CCDC178: variants seen among roughly 807,000 people sequenced by gnomAD.
CCDC178 encodes coiled-coil domain containing 178.
CCDC178 carries 126 observed loss-of-function variants against 117.4 expected under a neutral mutation model. The ratio of observed to expected loss-of-function variants is 1.07; its 90% CI spans 0.93 to 1.24. CCDC178 has a LOEUF of 1.24. Ranked by LOEUF, CCDC178 falls within the 50% of genes most tolerant of loss-of-function variation. The pLI is 0.00. For synonymous variants in CCDC178, 283 were observed against 313.4 expected, an observed-to-expected ratio of 0.90 and a Z score of 1.02; for missense variants, 1,030 against 986.9, an observed-to-expected ratio of 1.04 and a Z score of -0.59.
At chr18:33,023,330 G>T (rs748758002) in intron 21 of CCDC178, among the ~76,000 whole-genome samples, 37 of 152,142 alleles carry the variant, frequency 2.4e-4, no homozygotes, top group Middle Eastern at 3.4e-3. Context: ...CCATATCTTG[G>T]ACCATAAAAC....
chr18:32,967,721 T>A (rs2054844494), intron 22 of CCDC178, among the ~76,000 whole-genome samples: 1 of 151,710 alleles, frequency 6.6e-6, no homozygotes, highest in Non-Finnish European at 1.5e-5. Context: ...TTTTTTATGG[T>A]ACTTTTTTTT....
chr18:33,166,897 T>C (rs773950855), intron 20 of CCDC178, among the ~76,000 whole-genome samples: 12 of 152,190 alleles, frequency 7.9e-5, no homozygotes, highest in Admixed American at 5.2e-4. Context: ...GCATAGTACC[T>C]GATAGGTAAT....
intron 22 of CCDC178, among the ~76,000 whole-genome samples, chr18:32,955,412 A>G (rs1003772135): frequency 1.3e-5 from 2 of 152,106 alleles, no homozygotes; most frequent in South Asian, 2.1e-4. Context: ...TGTCTTTTGT[A>G]TGGAAAATCT....
intron 21 of CCDC178, among the ~76,000 whole-genome samples, chr18:33,073,325 C>A (rs190615): frequency 6.6e-6 from 1 of 151,742 alleles, no homozygotes; most frequent in East Asian, 1.9e-4. Context: ...CATGATTATA[C>A]GATGTGAAAA....
At chr18:33,149,373 A>G (rs966137710) in intron 20 of CCDC178, among the ~76,000 whole-genome samples, 3 of 152,242 alleles carry the variant, frequency 2.0e-5, no homozygotes, top group Non-Finnish European at 2.9e-5. Flanking sequence ...CTAAAGGTGA[A>G]GGTATCACCC....
chr18:33,432,482 C>T (rs1435900448), intron 2 of CCDC178, among the ~76,000 whole-genome samples: 2 of 49,562 alleles, frequency 4.0e-5, no homozygotes, highest in Non-Finnish European at 1.1e-4. Context: ...TCTCCATACA[C>T]ACACACACAC....
At chr18:33,114,298 C>T (rs1334561746) in intron 20 of CCDC178, among the ~76,000 whole-genome samples, 2 of 151,988 alleles carry the variant, frequency 1.3e-5, no homozygotes, top group Non-Finnish European at 2.9e-5. Context: ...GCAGCACATT[C>T]TGCATCAGCC....
rs142500032 is a variant in CCDC178, at chr18:33,116,054, T to C, written c.2239-23144A>G. On this transcript the variant is annotated intron_variant, in intron 20 of 22. Transcript: ENST00000383096. ...TTTCTGATAGTTACTCTTCAAGGAATTGCCACACTGAGCTTAGCCGTCAAG... is the reference window on the plus strand; with the variant it reads ...TTTCTGATAGTTACTCTTCAAGGAACTGCCACACTGAGCTTAGCCGTCAAG... Among the ~76,000 whole-genome samples the C allele has an allele frequency of 3.6e-4, 55 of 152,236 alleles. 1 individual carries two copies. The highest frequency in any genetic ancestry group is 7.2e-4 in the Non-Finnish European group (49 of 67,996).
At chr18:33,265,836 G>A (rs533796786) in intron 14 of CCDC178, among the ~76,000 whole-genome samples, 1 of 152,144 alleles carries the variant, frequency 6.6e-6, no homozygotes, top group East Asian at 1.9e-4. Context: ...GACCAGTTCT[G>A]CCAGTCACTG....
chr18:33,210,243 G>A (rs2059091708), intron 20 of CCDC178, among the ~76,000 whole-genome samples: 1 of 151,936 alleles, frequency 6.6e-6, no homozygotes, highest in African/African-American at 2.4e-5. Flanking sequence ...GCAGGAGATA[G>A]GCAGACAAAA....
intron 20 of CCDC178, among the ~76,000 whole-genome samples, chr18:33,140,819 C>T (rs562820046): frequency 1.3e-5 from 2 of 152,150 alleles, no homozygotes; most frequent in East Asian, 3.9e-4. Context: ...TTTGGATGTG[C>T]CAGGAATGGA....
chr18:33,166,097 GAA>G (rs2058524737), intron 20 of CCDC178, among the ~76,000 whole-genome samples: 1 of 152,084 alleles, frequency 6.6e-6, no homozygotes, highest in South Asian at 2.1e-4. Context: ...TCAACAGAGT[GAA>G]AAAGACAGAT....
At chr18:33,033,115 T>C (rs566238959) in intron 21 of CCDC178, among the ~76,000 whole-genome samples, 1 of 152,244 alleles carries the variant, frequency 6.6e-6, no homozygotes, top group African/African-American at 2.4e-5. Flanking sequence ...TTGTATTTTC[T>C]CTCATTTCTG....
intron 5 of CCDC178, among the ~76,000 whole-genome samples, chr18:33,376,666 T>C (rs992988558): frequency 1.3e-5 from 2 of 152,170 alleles, no homozygotes; most frequent in African/African-American, 4.8e-5. Context: ...TGAGTACCCA[T>C]TGTTTAGCTC....
intron 6 of CCDC178, among the ~76,000 whole-genome samples, chr18:33,362,190 C>CACATAT (rs1555692710): frequency 6.8e-4 from 100 of 147,718 alleles, no homozygotes; most frequent in Middle Eastern, 3.5e-3. Context: ...TATATATATA[C>CACATAT]ATATATATAT....
Position 33,030,387 on chromosome 18 carries a change from T to TGAGGA in CCDC178, c.2389-55707_2389-55706insTCCTC, listed in dbSNP as rs1486510695. ...TCTCTTATACGTAGGAGTATGTAGT[T>TGAGGA]GAATGTTTTCTCCTCACCCAATCCA... On this transcript the variant is annotated intron_variant, in intron 21 of 22. Transcript: ENST00000383096. Among the ~76,000 whole-genome samples, 291 of 152,198 alleles carry TGAGGA rather than the reference T, an allele frequency of 1.9e-3. 4 individuals are homozygous for TGAGGA. Among genetic ancestry groups the TGAGGA allele is most frequent in the African/African-American group, 6.7e-3 (279 of 41,556 alleles).
chr18:33,107,551 C>T (rs1396783277), intron 20 of CCDC178, among the ~76,000 whole-genome samples: 1 of 151,616 alleles, frequency 6.6e-6, no homozygotes, highest in African/African-American at 2.4e-5. Context: ...AAGATGGTTG[C>T]ATCATGTTAG....
chr18:33,202,147 C>A (rs560905478), intron 20 of CCDC178, among the ~76,000 whole-genome samples: 13 of 152,090 alleles, frequency 8.5e-5, no homozygotes, highest in Non-Finnish European at 1.9e-4. Flanking sequence ...GTAATCCCAG[C>A]ACTTTGGGAG....
intron 20 of CCDC178, among the ~76,000 whole-genome samples, chr18:33,134,722 G>A (rs143968325): frequency 8.6e-5 from 13 of 151,932 alleles, no homozygotes; most frequent in African/African-American, 3.1e-4. Context: ...CAGCACATAA[G>A]TATCAGATTG....
Sources: allele counts gnomAD v4.1 joint callset (sites outside exome capture counted in the v4.1 genomes callset), GRCh38; gene constraint gnomAD v4.1.1; transcripts MANE v1.5; gene names NCBI Gene and HGNC (gene_info 2026-07-23, HGNC 2026-07-21).